The following MYLK variants were observed in gnomAD, a reference collection of about 807,000 sequenced individuals.
MYLK encodes myosin light chain kinase, smooth muscle.
In MYLK, 106 loss-of-function variants were observed where a neutral mutation model predicts 203.4. The ratio of observed to expected loss-of-function variants is 0.52; its 90% CI spans 0.45 to 0.61. The LOEUF is 0.61. Among genes scored for constraint, MYLK ranks in the 20% least tolerant of loss-of-function variants. The pLI is 0.00. For missense variants in MYLK, 2,072 were observed against 2,442.3 expected (o/e 0.85, Z 3.20); for synonymous variants, 867 against 959.5 (o/e 0.90, Z 1.78).
intron 31 of MYLK, chr3:123,624,198 G>T (rs1277939537): frequency 1.3e-5 from 2 of 152,050 alleles, no homozygotes; most frequent in Non-Finnish European, 2.9e-5. Context: ...GGTGGCATAT[G>T]CCTGTAGTCC....
intron 3 of MYLK, among the ~76,000 whole-genome samples, chr3:123,813,613 C>T (rs891180567): frequency 6.6e-6 from 1 of 152,012 alleles, no homozygotes; most frequent in South Asian, 2.1e-4. Context: ...CGGGTTCAAG[C>T]GATTCTCCTG....
chr3:123,833,477 G>C (rs1036124296), intron 2 of MYLK, among the ~76,000 whole-genome samples: 1 of 152,010 alleles, frequency 6.6e-6, no homozygotes, highest in African/African-American at 2.4e-5. Context: ...CTACCAGCCA[G>C]AGGAGCCTCC....
At chr3:123,674,135 C>T (rs569082903) in intron 20 of MYLK, among the ~76,000 whole-genome samples, 2 of 152,234 alleles carry the variant, frequency 1.3e-5, no homozygotes, top group South Asian at 2.1e-4. Flanking sequence ...GCCAGCCAAA[C>T]GTGCAAAACC....
At chr3:123,751,679 C>T (rs567965130) in intron 5 of MYLK, among the ~76,000 whole-genome samples, 11 of 152,280 alleles carry the variant, frequency 7.2e-5, no homozygotes, top group Non-Finnish European at 1.5e-4. Flanking sequence ...CCATCTCCTC[C>T]TAAATCTTCC....
chr3:123,627,800 A>G (rs1259533002), intron 30 of MYLK, among the ~76,000 whole-genome samples: 1 of 152,130 alleles, frequency 6.6e-6, no homozygotes, highest in East Asian at 1.9e-4. Context: ...GAGGCTGGGT[A>G]TAAGAGTTTA....
chr3:123,873,804 T>A (rs1192692673), intron 2 of MYLK, among the ~76,000 whole-genome samples: 1 of 148,978 alleles, frequency 6.7e-6, no homozygotes, highest in Non-Finnish European at 1.5e-5. Context: ...TTATTCTGAT[T>A]TAAATTTTTA....
At chr3:123,759,185 C>A (rs2063456216) in intron 4 of MYLK, among the ~76,000 whole-genome samples, 1 of 152,138 alleles carries the variant, frequency 6.6e-6, no homozygotes, top group East Asian at 1.9e-4. Context: ...CCTTGTTCCC[C>A]CAAATGCATT....
At chr3:123,726,399 T>G (rs1396501474) in intron 11 of MYLK, among the ~76,000 whole-genome samples, 3 of 152,174 alleles carry the variant, frequency 2.0e-5, no homozygotes, top group Admixed American at 6.5e-5. Context: ...TTTGCTGCCC[T>G]CGAGCCTCTG....
rs770208529 is a variant in MYLK, at chr3:123,666,373, C to A, written c.3704-27G>T. 2.5e-6 allele frequency: 4 copies of A among 1,614,050 alleles called. No homozygotes were observed. The East Asian group carries it at 6.7e-5, about 27-fold the overall frequency. ...TGAGGGAGGACAGGGAGAAAGTGAG[C>A]GAGGCAGAAGGGTCTCAGGCATTCT... is the stretch of plus-strand genomic sequence containing the variant. On this transcript the variant is annotated intron_variant, in intron 21 of 33. Transcript: ENST00000360304.
chr3:123,786,254 G>A (rs1007289588), intron 4 of MYLK, among the ~76,000 whole-genome samples: 11 of 151,122 alleles, frequency 7.3e-5, no homozygotes, highest in African/African-American at 2.2e-4. Flanking sequence ...AGTGAACCGC[G>A]ATTGTGTCAC....
intron 4 of MYLK, among the ~76,000 whole-genome samples, chr3:123,768,450 G>C (rs1480231651): frequency 6.6e-6 from 1 of 152,124 alleles, no homozygotes. Context: ...ATTCAGTAAG[G>C]ACAGCCCTGA....
intron 31 of MYLK, chr3:123,622,706 T>C (rs748237505): frequency 1.9e-4 from 29 of 152,134 alleles, no homozygotes; most frequent in Non-Finnish European, 3.5e-4. Context: ...TTCTAAAACA[T>C]AGAAAAATAT....
intron 20 of MYLK, among the ~76,000 whole-genome samples, chr3:123,678,173 G>A (rs1280642491): frequency 6.6e-6 from 1 of 151,782 alleles, no homozygotes; most frequent in Non-Finnish European, 1.5e-5. Context: ...ACAGGCACTC[G>A]GTAGACTCTG....
chr3:123,670,063 AT>A (rs1265416592), intron 20 of MYLK, among the ~76,000 whole-genome samples: 1 of 151,160 alleles, frequency 6.6e-6, no homozygotes, highest in African/African-American at 2.4e-5. Flanking sequence ...AAAAGCAAAC[AT>A]AGTAAAATGT....
intron 3 of MYLK, among the ~76,000 whole-genome samples, chr3:123,815,040 A>G (rs2065701399): frequency 6.6e-6 from 1 of 152,156 alleles, no homozygotes; most frequent in Non-Finnish European, 1.5e-5. Flanking sequence ...TGATTCACCC[A>G]CCTTGGCCTC....
At chr3:123,646,626 G>C (rs547413990) in intron 27 of MYLK, among the ~76,000 whole-genome samples, 3 of 152,218 alleles carry the variant, frequency 2.0e-5, no homozygotes, top group Non-Finnish European at 4.4e-5. Context: ...TCTGCGAAAG[G>C]CTTGGCTGGA....
At chr3:123,769,551 CTT>C (rs1320267131) in intron 4 of MYLK, among the ~76,000 whole-genome samples, 1 of 152,228 alleles carries the variant, frequency 6.6e-6, no homozygotes, top group Non-Finnish European at 1.5e-5. Context: ...CCTCTCCAAT[CTT>C]TATATCCCAG....
intron 4 of MYLK, among the ~76,000 whole-genome samples, chr3:123,755,497 T>TA (rs1223287490): frequency 2.0e-5 from 3 of 152,234 alleles, no homozygotes; most frequent in African/African-American, 7.2e-5. Context: ...ATGATACTTT[T>TA]ATAGCACATT....
At chr3:123,848,748 G>A (rs1224685881) in intron 2 of MYLK, among the ~76,000 whole-genome samples, 1 of 152,142 alleles carries the variant, frequency 6.6e-6, no homozygotes, top group Non-Finnish European at 1.5e-5. Flanking sequence ...CCATGAGGCA[G>A]CAAGCATGAG....
Sources: gnomAD v4.1 joint callset for allele counts (sites outside exome capture counted in the v4.1 genomes callset) on GRCh38, gnomAD v4.1.1 for gene constraint, MANE v1.5 for transcripts, NCBI Gene and HGNC (gene_info 2026-07-23, HGNC 2026-07-21) for gene names.